Variants in PDE1A observed in about 807,000 individuals in gnomAD.
PDE1A encodes the protein dual specificity calcium/calmodulin-dependent 3',5'-cyclic nucleotide phosphodiesterase 1A.
Under a neutral mutation model 61.7 loss-of-function variants are expected in PDE1A, and 35 were observed. The ratio of observed to expected loss-of-function variants is 0.57; its 90% CI spans 0.43 to 0.75. The LOEUF (loss-of-function observed/expected upper bound fraction) is 0.75. Among genes scored for constraint, PDE1A ranks in the 30% least tolerant of loss-of-function variants. The pLI, the probability that PDE1A is intolerant of heterozygous loss-of-function variation, is 0.00. For missense variants in PDE1A, 597 were observed against 630.6 expected (o/e 0.95, Z 0.57); for synonymous variants, 232 against 213.2 (o/e 1.09, Z -0.77).
chr2:182,648,787 A>G, the PDE1A span, among the ~76,000 whole-genome samples: 1 of 152,106 alleles, frequency 6.6e-6, no homozygotes, highest in Non-Finnish European at 1.5e-5. Flanking sequence ...GCATCCTAAT[A>G]CCTGTAATAT....
intron 1 of PDE1A, among the ~76,000 whole-genome samples, chr2:182,423,207 T>C (rs1313404551): frequency 6.6e-6 from 1 of 152,162 alleles, no homozygotes; most frequent in African/African-American, 2.4e-5. Context: ...TGAAAATATA[T>C]ACCTAAAATT....
intron 2 of PDE1A, 141 bp downstream of exon 2, chr2:182,264,160 A>G: frequency 1.8e-6 from 1 of 555,264 alleles, no homozygotes; most frequent in Non-Finnish European, 3.3e-6. Context: ...GAAGAAGAAC[A>G]TTTCAAATTT....
At chr2:182,481,654 T>G (rs2125846017) in intron 2 of PDE1A, among the ~76,000 whole-genome samples, 2 of 152,022 alleles carry the variant, frequency 1.3e-5, no homozygotes, top group South Asian at 2.1e-4. Flanking sequence ...ATTGTGGAAA[T>G]AGCTAGTGAC....
At chr2:182,230,860 G>A (rs557877539) in intron 5 of PDE1A, among the ~76,000 whole-genome samples, 155 bp downstream of exon 5, 5 of 152,164 alleles carry the variant, frequency 3.3e-5, no homozygotes, top group East Asian at 1.9e-4. Context: ...GTGGAGAATG[G>A]TTCTATCATA....
chr2:182,358,286 T>C (rs833149), intron 1 of PDE1A, among the ~76,000 whole-genome samples: 97,393 of 151,922 alleles, frequency 0.64, 31,779 homozygotes, highest in East Asian at 0.96. Context: ...TCCCTCAAGG[T>C]TCACTTAACC....
the PDE1A span, among the ~76,000 whole-genome samples, chr2:182,695,623 C>A: frequency 5.9e-4 from 84 of 143,524 alleles, no homozygotes; most frequent in African/African-American, 2.1e-3. Flanking sequence ...GCCGAGATCG[C>A]GCCACTGCAC....
intron 2 of PDE1A, among the ~76,000 whole-genome samples, chr2:182,467,601 G>T (rs890391407): frequency 1.3e-5 from 2 of 151,782 alleles, no homozygotes; most frequent in Non-Finnish European, 2.9e-5. Flanking sequence ...GATAACACAA[G>T]AGAACTGCAG....
chr2:182,675,777 GT>G, the PDE1A span, among the ~76,000 whole-genome samples: 1 of 151,964 alleles, frequency 6.6e-6, no homozygotes, highest in Non-Finnish European at 1.5e-5. Flanking sequence ...GTCTGTTCAT[GT>G]TTTTTGCCCA....
At chr2:182,241,793 A>C in intron 2 of PDE1A, 1 of 1,487,348 alleles carries the variant, frequency 6.7e-7, no homozygotes. Flanking sequence ...AATACTGATT[A>C]ATACTTACTC....
chr2:182,402,596 C>A (rs1157186344), intron 1 of PDE1A, among the ~76,000 whole-genome samples: 1 of 152,192 alleles, frequency 6.6e-6, no homozygotes, highest in Non-Finnish European at 1.5e-5. Context: ...CTAGGCAATA[C>A]CATTCAGGAC....
chr2:182,671,263 C>G, the PDE1A span, among the ~76,000 whole-genome samples: 1 of 135,022 alleles, frequency 7.4e-6, no homozygotes, highest in East Asian at 2.2e-4. Context: ...GCTCCACCTC[C>G]AGGGTTCACG....
the PDE1A span, among the ~76,000 whole-genome samples, chr2:182,692,512 C>A: frequency 0.03 from 4,542 of 151,522 alleles, 206 homozygotes; most frequent in African/African-American, 0.11. Context: ...CACACTGGGG[C>A]CTGTTGTGGG....
rs144402673 is a variant in PDE1A at position 182,194,216 on chromosome 2, T to G, written c.1126-5156A>C. Among the ~76,000 whole-genome samples the G allele has an allele frequency of 5.5e-3, 838 of 152,278 alleles. 3 individuals carry two copies. The highest frequency in any genetic ancestry group is 0.018 in the African/African-American group (756 of 41,556). On this transcript the variant is annotated intron_variant, in intron 10 of 13. Transcript: ENST00000351439. ...TGAAGAAGGGAAAAATCCACGTAGT[T>G]ATTGTTATTTAGTTTAAAATACAAA...
chr2:182,573,812 C>T, the PDE1A span, among the ~76,000 whole-genome samples: 13 of 145,808 alleles, frequency 8.9e-5, no homozygotes, highest in East Asian at 2.0e-4. Context: ...TAATATCAAT[C>T]GGGGTTCTCT....
At position 182,380,582 on chromosome 2, in the gene PDE1A, GA is replaced by G. The variant is rs568369328; in HGVS notation, c.53+45995del. On this transcript the variant is annotated intron_variant, in intron 1 of 13. Coordinates refer to ENST00000351439, the Ensembl canonical transcript of PDE1A. ...AACAATTTAAAATTTATCTTCAATG[GA>G]TCTTTTGAAAGAGTCATTTTGCAAA... Among the ~76,000 whole-genome samples, 10 of 152,258 alleles carry G rather than the reference GA, an allele frequency of 6.6e-5. No homozygotes were observed. In the East Asian group the frequency reaches 1.9e-3, roughly 29 times the overall value.
chr2:182,302,630 T>C (rs1191756381), intron 1 of PDE1A, among the ~76,000 whole-genome samples: 3 of 152,208 alleles, frequency 2.0e-5, no homozygotes, highest in African/African-American at 7.2e-5. Flanking sequence ...TGTGCCAGTT[T>C]CTTAAAAATA....
the PDE1A span, among the ~76,000 whole-genome samples, chr2:182,687,563 T>A: frequency 6.6e-6 from 1 of 152,048 alleles, no homozygotes; most frequent in African/African-American, 2.4e-5. Flanking sequence ...CAAAGGTAGA[T>A]AAAACCACAA....
At chr2:182,623,409 A>AG in the PDE1A span, among the ~76,000 whole-genome samples, 3 of 152,230 alleles carry the variant, frequency 2.0e-5, no homozygotes. Flanking sequence ...CAGAAAAAAA[A>AG]CATTAAAGCA....
chr2:182,532,075 G>A, the PDE1A span, among the ~76,000 whole-genome samples: 2 of 151,700 alleles, frequency 1.3e-5, no homozygotes, highest in Non-Finnish European at 2.9e-5. Flanking sequence ...ATACTGATGT[G>A]TACTACAACA....
Sources: allele counts gnomAD v4.1 joint callset (sites outside exome capture counted in the v4.1 genomes callset), GRCh38; gene constraint gnomAD v4.1.1; transcripts MANE v1.5; gene names NCBI Gene and HGNC (gene_info 2026-07-23, HGNC 2026-07-21).